NPVF: variants seen among roughly 807,000 people sequenced by gnomAD.
The protein encoded by NPVF is pro-FMRFamide-related neuropeptide VF.
In NPVF, 17 loss-of-function variants were observed where a neutral mutation model predicts 15.7. The observed-to-expected ratio is 1.08, with a 90% CI of 0.74 to 1.62. NPVF has a LOEUF of 1.62. Ranked by LOEUF, NPVF falls within the 40% of genes most tolerant of loss-of-function variation. The pLI, the probability that NPVF is intolerant of heterozygous loss-of-function variation, is 0.00. For missense variants in NPVF, 270 were observed against 225.2 expected (o/e 1.20, Z -1.27); for synonymous variants, 70 against 80.1 (o/e 0.87, Z 0.67).
chr7:25,225,668 G>A (rs2115497171), intron 2 of NPVF, among the ~76,000 whole-genome samples: 1 of 152,318 alleles, frequency 6.6e-6, no homozygotes, highest in South Asian at 2.1e-4. Context: ...GTCTCCGAAT[G>A]TTCAAGAGAA....
At chr7:25,226,266 T>C (rs1245041984) in intron 2 of NPVF, among the ~76,000 whole-genome samples, 3 of 152,098 alleles carry the variant, frequency 2.0e-5, no homozygotes, top group Admixed American at 6.6e-5. Context: ...TGAGATGGGG[T>C]CCTTTGCACC....
intron 2 of NPVF, among the ~76,000 whole-genome samples, chr7:25,225,840 G>A (rs1386475130): frequency 6.6e-6 from 1 of 152,060 alleles, no homozygotes; most frequent in East Asian, 1.9e-4. Flanking sequence ...ATATGGCAGT[G>A]GACAAAAATT....
In NPVF at chr7:25,226,884, C is replaced by T. The variant is rs1783137316; in HGVS notation, c.281G>A (p.Arg94Lys). The T allele has an allele frequency of 1.2e-6, 2 of 1,614,182 alleles. No homozygotes were observed. The highest frequency in any genetic ancestry group is 1.7e-6 in the Non-Finnish European group (2 of 1,180,022). The stretch of plus-strand genomic sequence containing the variant: ...AGCACTTCTTTCTTCTTGAACGTTC[C>T]TCCCAAATCTCAATGGCAAGTTGGC... ...SFANLPLRFG[R>K]NVQEERSAGA... Residue 94 changes from arginine (R) to lysine (K), a missense_variant, in exon 2 of 3, where the codon AGG becomes AAG. By Grantham distance (26) the Arg-to-Lys change is conservative (BLOSUM62 2). Coordinates refer to ENST00000222674, the MANE Select transcript of NPVF (RefSeq NM_022150.3).
At chr7:25,227,845 A>G (rs1783151115) in intron 1 of NPVF, among the ~76,000 whole-genome samples, 1 of 152,242 alleles carries the variant, frequency 6.6e-6, no homozygotes, top group South Asian at 2.1e-4. Context: ...AATAAAAACA[A>G]TTTGCAATTT....
At chr7:25,225,279 G>C in intron 2 of NPVF, 106 bp from the exon 3 acceptor site, 1 of 855,456 alleles carries the variant, frequency 1.2e-6, no homozygotes, top group Non-Finnish European at 1.9e-6. Flanking sequence ...TACTTGAGTT[G>C]AATTGTGTTG....
At chr7:25,226,586 A>G (rs374235463) in intron 2 of NPVF, 40 bp downstream of exon 2, 7 of 1,595,820 alleles carry the variant, frequency 4.4e-6, no homozygotes, top group Non-Finnish European at 6.0e-6. Flanking sequence ...CCACCTCTAT[A>G]TAACTGCCCA....
rs1178524660 is a variant in NPVF at position 25,228,465 on chromosome 7, C to T, written c.-26G>A. On this transcript the variant is annotated 5_prime_UTR_variant, in exon 1 of 3. Transcript: ENST00000222674. ...TTTGTCTAAATCTAAAATTAAGTCT[C>T]TATGTGCAGCCCAATGTTTATGAGA... The T allele has an allele frequency of 6.4e-7, 1 of 1,552,760 alleles. No individual in the cohort carries two copies. Among genetic ancestry groups the T allele is most frequent in the East Asian group, 2.3e-5 (1 of 44,100 alleles).
intron 1 of NPVF, 71 bp downstream of exon 1, chr7:25,228,231 A>G (rs2115498346): frequency 1.8e-6 from 2 of 1,105,894 alleles, no homozygotes; most frequent in East Asian, 2.4e-5. Flanking sequence ...TAGTCTTTAC[A>G]AAATCATTAG....
In NPVF at chr7:25,228,369, A is replaced by T; in HGVS notation, c.71T>A (p.Ile24Asn). The change falls in exon 1 of 3, where the codon ATT (isoleucine) becomes AAT (asparagine). Residue 24 changes from isoleucine to asparagine, a missense_variant. Ile to Asn is a moderately radical substitution (Grantham distance 149). Coordinates refer to ENST00000222674, the MANE Select transcript of NPVF (RefSeq NM_022150.3). ...LATSSLLTSN[I>N]FCADELVMSN... ...CATCACTAATTCATCTGCACAAAAA[A>T]TGTTTGATGTTAACAAGCTTGAAGT... The T allele has an allele frequency of 6.4e-7, 1 of 1,560,310 alleles. No homozygotes were observed. The highest frequency in any genetic ancestry group is 8.8e-7 in the Non-Finnish European group (1 of 1,131,884).
intron 2 of NPVF, among the ~76,000 whole-genome samples, chr7:25,226,210 T>C (rs773076725): frequency 6.6e-6 from 1 of 152,172 alleles, no homozygotes; most frequent in Non-Finnish European, 1.5e-5. Flanking sequence ...AACACTTTGA[T>C]TAAAAGTTAG....
chr7:25,226,251 A>T (rs1783126574), intron 2 of NPVF, among the ~76,000 whole-genome samples: 1 of 152,214 alleles, frequency 6.6e-6, no homozygotes, highest in Non-Finnish European at 1.5e-5. Flanking sequence ...TGAGACCTAG[A>T]TTATTGAGAT....
In NPVF at chr7:25,226,730, A is replaced by C. The variant is rs756084714; in HGVS notation, c.435T>G (p.Ser145Arg). 1.2e-6 allele frequency: 2 copies of C among 1,614,096 alleles called. No homozygotes were observed. Among genetic ancestry groups the C allele is most frequent in the East Asian group, 4.5e-5 (2 of 44,876 alleles). The change falls in exon 2 of 3, where the codon AGT becomes AGG. Residue 145 changes from serine to arginine, a missense_variant. Physicochemically the swap from Ser to Arg is moderately radical, Grantham distance 110 (BLOSUM62 -1). Coordinates refer to ENST00000222674, the MANE Select transcript of NPVF (RefSeq NM_022150.3). Reference protein sequence around the residue: ...TTAKSVCRMLSDLCQGSMHSP... With the variant: ...TTAKSVCRMLRDLCQGSMHSP... Reference sequence around the variant, plus strand: ...AATGCATGGATCCTTGACACAAATCACTCAGCATCCTGCAGACACTTTTGG... The same window carrying C: ...AATGCATGGATCCTTGACACAAATCCCTCAGCATCCTGCAGACACTTTTGG...
intron 1 of NPVF, among the ~76,000 whole-genome samples, chr7:25,227,260 T>C (rs1783142814): frequency 6.6e-6 from 1 of 152,206 alleles, no homozygotes; most frequent in Admixed American, 6.5e-5. Flanking sequence ...AAAATATATA[T>C]AGTGAATACA....
rs777968648 is a variant in NPVF, at chr7:25,228,328, T to G, written c.112A>C (p.Lys38Gln). 3.9e-6 allele frequency: 6 copies of G among 1,521,816 alleles called. No homozygotes were observed. The highest frequency in any genetic ancestry group is 5.5e-6 in the Non-Finnish European group (6 of 1,098,310). The allele number at this position is 1,521,816 out of a possible 1,614,324, so 94.3% of individuals were successfully genotyped here. The change falls in exon 1 of 3, where the codon AAA becomes CAA. Residue 38 changes from lysine (K) to glutamine (Q), a missense_variant. By Grantham distance (53) the Lys-to-Gln change is moderately conservative. Coordinates refer to ENST00000222674, the MANE Select transcript of NPVF (RefSeq NM_022150.3). ...DELVMSNLHS[K>Q]ENYDKYSEPR... ...TCAGAATATTTGTCATAATTTTCTT[T>G]GCTGTGAAGATTGGACATCACTAAT... is the stretch of plus-strand genomic sequence containing the variant.
At position 25,227,012 on chromosome 7, in the gene NPVF, T is replaced by TGG; in HGVS notation, c.151_152dup (p.Lys52GlnfsTer12). On this transcript the variant is annotated frameshift_variant, in exon 2 of 3. Transcript: ENST00000222674. LOFTEE classifies it high-confidence loss of function. The stretch of plus-strand genomic sequence containing the variant: ...CAAAATTGAGGCTTCTTTCCCCTTT[T>TGG]GGGTATCCTCTAGGCTATAATTAGA... 4 of 1,612,956 alleles carry TGG rather than the reference T, an allele frequency of 2.5e-6. No homozygotes were observed. The highest frequency in any genetic ancestry group is 3.4e-6 in the Non-Finnish European group (4 of 1,179,302).
chr7:25,226,061 C>G (rs1316595878), intron 2 of NPVF, among the ~76,000 whole-genome samples: 1 of 152,154 alleles, frequency 6.6e-6, no homozygotes, highest in African/African-American at 2.4e-5. Flanking sequence ...AGCATACGCT[C>G]TCTACTATAA....
At chr7:25,227,084 A>G in intron 1 of NPVF, 58 bp from the exon 2 acceptor site, 2 of 1,405,398 alleles carry the variant, frequency 1.4e-6, no homozygotes, top group South Asian at 1.4e-5. Context: ...ACAGATTTAA[A>G]CCCCCAATTA....
chr7:25,227,120 G>C lies in NPVF; in HGVS notation c.139-94C>G, dbSNP rs993895873. On this transcript the variant is annotated intron_variant, in intron 1 of 2. Coordinates refer to ENST00000222674, the MANE Select transcript of NPVF (RefSeq NM_022150.3). Reference sequence around the variant, plus strand: ...ACTTAAATCTAGACTTTAATCTGCAGAATTGTTAAAGCTATAAACAAAGTT... The same window carrying C: ...ACTTAAATCTAGACTTTAATCTGCACAATTGTTAAAGCTATAAACAAAGTT... The C allele has an allele frequency of 1.6e-5, 18 of 1,112,094 alleles. No homozygotes were observed. In the African/African-American group the frequency reaches 2.8e-4, roughly 17 times the overall value. 68.9% of individuals were successfully genotyped at this position (1,112,094 alleles called of 1,614,324 possible).
rs1783107759 is a variant in NPVF at position 25,225,055 on chromosome 7, T to C, written c.*67A>G. Reference sequence around the variant, plus strand: ...TGAAGTGTATGTAGCTACTCTTCCGTGTGGTCTTCGCTATAGAGCCATTTG... The same window carrying C: ...TGAAGTGTATGTAGCTACTCTTCCGCGTGGTCTTCGCTATAGAGCCATTTG... On this transcript the variant is annotated 3_prime_UTR_variant, in exon 3 of 3. Transcript: ENST00000222674. The C allele has an allele frequency of 7.3e-7, 1 of 1,364,888 alleles. No individual in the cohort carries two copies. The highest frequency in any genetic ancestry group is 1.5e-5 in the African/African-American group (1 of 68,872). 84.5% of individuals were successfully genotyped at this position (1,364,888 alleles called of 1,614,324 possible). A position where few individuals can be genotyped will look rare whatever the true frequency, so the allele number is the denominator to read the frequency against.
Sources: gnomAD v4.1 joint callset for allele counts (sites outside exome capture counted in the v4.1 genomes callset) on GRCh38, gnomAD v4.1.1 for gene constraint, MANE v1.5 for transcripts, NCBI Gene and HGNC (gene_info 2026-07-23, HGNC 2026-07-21) for gene names.